Variants in LCORL observed in about 807,000 individuals in gnomAD.
The protein encoded by LCORL is ligand dependent nuclear receptor corepressor like, also known as ligand-dependent nuclear receptor corepressor-like protein.
Under a neutral mutation model 141.8 loss-of-function variants are expected in LCORL, and 41 were observed. The observed-to-expected ratio is 0.29, with a 90% CI of 0.23 to 0.38. The LOEUF is 0.38. Among genes scored for constraint, LCORL ranks in the 10% least tolerant of loss-of-function variants. The pLI, the probability that LCORL is intolerant of heterozygous loss-of-function variation, is 1.00. For missense variants in LCORL, 1,759 were observed against 2,035.0 expected, an observed-to-expected ratio of 0.86 and a Z score of 2.61; for synonymous variants, 618 against 694.1, an observed-to-expected ratio of 0.89 and a Z score of 1.72.
intron 4 of LCORL, among the ~76,000 whole-genome samples, chr4:17,933,246 T>C (rs1170613724): frequency 1.3e-5 from 2 of 152,108 alleles, no homozygotes; most frequent in African/African-American, 4.8e-5. Flanking sequence ...TTCTGGAAAG[T>C]TTTCTCAAAT....
At chr4:17,920,962 A>T (rs1734198725) in intron 4 of LCORL, among the ~76,000 whole-genome samples, 1 of 152,190 alleles carries the variant, frequency 6.6e-6, no homozygotes, top group African/African-American at 2.4e-5. Context: ...TTTCCAAATC[A>T]ACTTCTTCTG....
At chr4:18,018,573 A>G (rs1577757247) in intron 1 of LCORL, among the ~76,000 whole-genome samples, 1 of 152,150 alleles carries the variant, frequency 6.6e-6, no homozygotes, top group Non-Finnish European at 1.5e-5. Context: ...TTAAACGTTT[A>G]CCTTTGTGGC....
exon 7 of LCORL, chr4:17,877,434 T>G: frequency 8.1e-7 from 1 of 1,229,066 alleles, no homozygotes; most frequent in Non-Finnish European, 1.0e-6. Flanking sequence ...ACCTTTTTCA[T>G]GATTTGTAGT....
intron 4 of LCORL, among the ~76,000 whole-genome samples, chr4:17,955,962 T>A (rs1712536542): frequency 6.6e-6 from 1 of 151,998 alleles, no homozygotes; most frequent in African/African-American, 2.4e-5. Context: ...ACTGGATACC[T>A]GCATAAATAA....
chr4:17,951,662 A>G (rs1043494505), intron 4 of LCORL, among the ~76,000 whole-genome samples: 7 of 152,190 alleles, frequency 4.6e-5, no homozygotes, highest in African/African-American at 1.7e-4. Context: ...AGAGGTTTGG[A>G]TGTGTGTATA....
chr4:17,854,238 C>T (rs1284262870), intron 7 of LCORL, among the ~76,000 whole-genome samples: 2 of 152,116 alleles, frequency 1.3e-5, no homozygotes, highest in African/African-American at 2.4e-5. Context: ...AAAGTCACTA[C>T]CTTTTATGGG....
chr4:17,957,788 G>A (rs1247284474), intron 4 of LCORL, among the ~76,000 whole-genome samples: 9 of 151,984 alleles, frequency 5.9e-5, no homozygotes, highest in East Asian at 1.9e-4. Context: ...GTTATTTTAT[G>A]GCAATTACAA....
chr4:17,881,871 C>T (rs1420429084), intron 6 of LCORL: 1 of 983,102 alleles, frequency 1.0e-6, no homozygotes, highest in African/African-American at 1.8e-5. Context: ...GGGAAATATA[C>T]TAAATAATGC....
chr4:17,941,629 T>C (rs556174671), intron 4 of LCORL, among the ~76,000 whole-genome samples: 197 of 152,306 alleles, frequency 1.3e-3, no homozygotes, highest in South Asian at 2.1e-3. Context: ...TGAATAATAA[T>C]GGCACAAGTC....
intron 1 of LCORL, among the ~76,000 whole-genome samples, chr4:17,974,142 T>C (rs1716498622): frequency 6.6e-6 from 1 of 152,104 alleles, no homozygotes; most frequent in Non-Finnish European, 1.5e-5. Flanking sequence ...TAGAAGATAC[T>C]CTATTTTTCT....
intron 2 of LCORL, among the ~76,000 whole-genome samples, chr4:17,966,695 C>T (rs1339254122): frequency 6.6e-6 from 1 of 152,096 alleles, no homozygotes; most frequent in Non-Finnish European, 1.5e-5. Context: ...TGAAAAGATG[C>T]TGAATGTCAT....
At chr4:17,879,544 T>C (rs1727295228) in intron 6 of LCORL, among the ~76,000 whole-genome samples, 2 of 151,074 alleles carry the variant, frequency 1.3e-5, no homozygotes, top group Admixed American at 6.6e-5. Flanking sequence ...CCAGTATCCT[T>C]TCCTTTTTGA....
At chr4:17,877,718 ATCACATACT>A in exon 7 of LCORL, 1 of 1,230,650 alleles carries the variant, frequency 8.1e-7, no homozygotes, top group Non-Finnish European at 1.0e-6. Context: ...TGACTGAAAG[ATCACATACT>A]TCCTTTGACA....
Position 17,884,281 on chromosome 4 carries a change from C to T in LCORL, c.776+1787G>A, listed in dbSNP as rs1180842535. ...ATTTTGAGACAGAACTTACTCGTAGCTGAGGAATTTTTAACTGTACAGTAG... is the reference window on the plus strand; with the variant it reads ...ATTTTGAGACAGAACTTACTCGTAGTTGAGGAATTTTTAACTGTACAGTAG... On this transcript the variant is annotated intron_variant, in intron 6 of 7. Transcript: ENST00000635767. The surrounding 1 kb of genome is among the most constrained non-coding windows in gnomAD (Gnocchi z 4.4). The T allele has an allele frequency of 6.4e-7, 1 of 1,550,546 alleles. No individual in the cohort carries two copies. Among genetic ancestry groups the T allele is most frequent in the East Asian group, 2.4e-5 (1 of 40,884 alleles).
chr4:17,851,238 C>T (rs1723659473), intron 7 of LCORL, among the ~76,000 whole-genome samples: 1 of 151,724 alleles, frequency 6.6e-6, no homozygotes, highest in African/African-American at 2.4e-5. Context: ...TGTAAGAAAC[C>T]TGCATGTTGT....
intron 2 of LCORL, among the ~76,000 whole-genome samples, chr4:17,966,705 T>C (rs1043440619): frequency 2.0e-5 from 3 of 152,204 alleles, no homozygotes; most frequent in South Asian, 2.1e-4. Context: ...CTGAATGTCA[T>C]GTCATTAGGG....
chr4:17,987,128 T>C (rs1460875051), intron 1 of LCORL, among the ~76,000 whole-genome samples: 1 of 152,192 alleles, frequency 6.6e-6, no homozygotes, highest in African/African-American at 2.4e-5. Flanking sequence ...AGAAAATCAA[T>C]TTTATCTGAA....
intron 4 of LCORL, among the ~76,000 whole-genome samples, chr4:17,940,477 A>C (rs1350595182): frequency 8.2e-6 from 1 of 121,962 alleles, no homozygotes; most frequent in Non-Finnish European, 1.7e-5. Context: ...TAATATATGT[A>C]ATATATATGT....
intron 4 of LCORL, among the ~76,000 whole-genome samples, chr4:17,953,199 A>G (rs112525610): frequency 0.13 from 19,285 of 152,224 alleles, 1,358 homozygotes; most frequent in South Asian, 0.26. Context: ...TAGTCCTGCA[A>G]TGAACATATG....
Sources: allele counts gnomAD v4.1 joint callset (sites outside exome capture counted in the v4.1 genomes callset), GRCh38; gene constraint gnomAD v4.1.1; non-coding constraint Gnocchi (gnomAD v3.1); transcripts MANE v1.5; gene names NCBI Gene and HGNC (gene_info 2026-07-23, HGNC 2026-07-21).